RAP1GAP: variants seen among roughly 807,000 people sequenced by gnomAD.
The protein encoded by RAP1GAP is RAP1 GTPase activating protein, also known as rap1 GTPase-activating protein 1.
A neutral mutation model predicts 87.2 loss-of-function variants in RAP1GAP; 35 were observed. That is an observed-to-expected ratio of 0.40 (90% CI 0.31 to 0.53). The LOEUF (loss-of-function observed/expected upper bound fraction) is 0.53. Ranked by LOEUF, RAP1GAP falls within the 20% of genes least tolerant of loss-of-function variation. The pLI, the probability that RAP1GAP is intolerant of heterozygous loss-of-function variation, is 0.48. For missense variants in RAP1GAP, 734 were observed against 898.9 expected, an observed-to-expected ratio of 0.82 and a Z score of 2.35; for synonymous variants, 375 against 363.9, an observed-to-expected ratio of 1.03 and a Z score of -0.35.
intron 1 of RAP1GAP, among the ~76,000 whole-genome samples, chr1:21,654,084 G>A (rs1035203274): frequency 2.1e-5 from 3 of 145,978 alleles, no homozygotes; most frequent in Non-Finnish European, 4.6e-5. Flanking sequence ...CATTGGCAAG[G>A]GATGGGGGTG....
At chr1:21,631,557 G>C (rs915222560) in intron 2 of RAP1GAP, among the ~76,000 whole-genome samples, 1 of 152,070 alleles carries the variant, frequency 6.6e-6, no homozygotes, top group Non-Finnish European at 1.5e-5. Context: ...GTAGTGCCAC[G>C]CGCCTGTAAT....
chr1:21,629,580 T>C (rs1448130822), intron 2 of RAP1GAP, among the ~76,000 whole-genome samples: 1 of 151,766 alleles, frequency 6.6e-6, no homozygotes, highest in Non-Finnish European at 1.5e-5. Context: ...GCTGAGGCCG[T>C]AAGGGGCAGG....
chr1:21,634,162 G>A lies in RAP1GAP; in HGVS notation c.-112-7765C>T, dbSNP rs1394079542. ...TGTCCCTGCCAAAGTGCCAGGGAAGGTGGCCGGGGCAGCCAGTTGAGCAGG... is the reference window on the plus strand; with the variant it reads ...TGTCCCTGCCAAAGTGCCAGGGAAGATGGCCGGGGCAGCCAGTTGAGCAGG... On this transcript the variant is annotated intron_variant, in intron 2 of 24. Coordinates refer to ENST00000374765, the MANE Select transcript of RAP1GAP (RefSeq NM_002885.4). The surrounding 1 kb of genome is among the most constrained non-coding windows in gnomAD (Gnocchi z 4.1). Among the ~76,000 whole-genome samples, 4 of 152,078 alleles carry A rather than the reference G, an allele frequency of 2.6e-5. No homozygotes were observed. The highest frequency in any genetic ancestry group is 5.9e-5 in the Non-Finnish European group (4 of 68,000).
rs1392055273 is a variant in RAP1GAP at position 21,614,015 on chromosome 1, C to A, written c.366G>T (p.Gly122=). 4 of 1,612,410 alleles carry A rather than the reference C, an allele frequency of 2.5e-6. No homozygotes were observed. The African/African-American group carries it at 4.0e-5, about 16-fold the overall frequency. ...LVFSLKYDVI[G]DQEHLRLLLR... Reference sequence around the variant, plus strand: ...GCAGCAGCCGCAGGTGCTCTTGGTCCCCGATGACATCGTACTTGAGTGAGA... The same window carrying A: ...GCAGCAGCCGCAGGTGCTCTTGGTCACCGATGACATCGTACTTGAGTGAGA... The change falls in exon 8 of 25, where the codon GGG becomes GGT. Residue 122 remains glycine, a synonymous_variant. Coordinates refer to ENST00000374765, the MANE Select transcript of RAP1GAP (RefSeq NM_002885.4).
chr1:21,654,593 G>A (rs1258184898), intron 1 of RAP1GAP, among the ~76,000 whole-genome samples: 1 of 152,132 alleles, frequency 6.6e-6, no homozygotes, highest in Non-Finnish European at 1.5e-5. Flanking sequence ...AGCACTTTGG[G>A]AGGCCGAATA....
intron 1 of RAP1GAP, among the ~76,000 whole-genome samples, chr1:21,664,147 G>C (rs546474919): frequency 9.2e-5 from 14 of 152,302 alleles, no homozygotes; most frequent in African/African-American, 3.4e-4. Context: ...GACAGCCCCC[G>C]GCTCTCCAGC....
In RAP1GAP at chr1:21,668,109, C is replaced by T. The variant is rs553076264; in HGVS notation, c.-149+1145G>A. Among the ~76,000 whole-genome samples the T allele has an allele frequency of 2.4e-4, 36 of 152,212 alleles. No individual in the cohort carries two copies. Among genetic ancestry groups the T allele is most frequent in the Admixed American group, 7.2e-4 (11 of 15,292 alleles). On this transcript the variant is annotated intron_variant, in intron 1 of 24. Coordinates refer to ENST00000374765, the MANE Select transcript of RAP1GAP (RefSeq NM_002885.4). This position sits in a 1 kb window ranked among gnomAD's most constrained non-coding sequence, Gnocchi z 6.2. ...TGTTTCATCTGCGAGGCAACCTTCC[C>T]CAGTGCCCCAACCATAGCGTTTTCC... is the stretch of plus-strand genomic sequence containing the variant.
intron 17 of RAP1GAP, among the ~76,000 whole-genome samples, chr1:21,607,190 C>G (rs2075241637): frequency 6.6e-6 from 1 of 152,186 alleles, no homozygotes; most frequent in South Asian, 2.1e-4. Flanking sequence ...AGGCTACCAC[C>G]TGGGGCCCTG....
chr1:21,652,255 A>G (rs968572080), intron 1 of RAP1GAP, among the ~76,000 whole-genome samples: 1 of 151,812 alleles, frequency 6.6e-6, no homozygotes, highest in Admixed American at 6.5e-5. Context: ...CTGGGTCTGC[A>G]CGGCGGGCAT....
At chr1:21,617,246 C>T (rs892610315) in intron 7 of RAP1GAP, 60 bp downstream of exon 7, 19 of 1,525,720 alleles carry the variant, frequency 1.2e-5, no homozygotes, top group Middle Eastern at 3.7e-4. Context: ...AGGCCCACCT[C>T]GAATGGGGCT....
intron 2 of RAP1GAP, among the ~76,000 whole-genome samples, 175 bp from the exon 3 acceptor site, chr1:21,626,572 C>T (rs2092163548): frequency 6.6e-6 from 1 of 152,178 alleles, no homozygotes; most frequent in Admixed American, 6.5e-5. Context: ...GGCTACCACA[C>T]AGGCTTCTCC....
In RAP1GAP at chr1:21,634,838, C is replaced by G; in HGVS notation, c.-112-8441G>C. 1 of 372,938 alleles carries G rather than the reference C, an allele frequency of 2.7e-6. No homozygotes were observed. The highest frequency in any genetic ancestry group is 5.7e-6 in the Non-Finnish European group (1 of 174,188). The allele number at this position is 372,938 out of a possible 1,614,324, so 23.1% of individuals were successfully genotyped here. ...TGTGGCCAAAACCTGACCCTTCCCA[C>G]CCCACCGAGGACTTCAGTGTGGACT... On this transcript the variant is annotated intron_variant, in intron 2 of 24. Transcript: ENST00000374765. This position sits in a 1 kb window ranked among gnomAD's most constrained non-coding sequence, Gnocchi z 4.1.
rs150869374 is a variant in RAP1GAP at position 21,599,607 on chromosome 1, C to A, written c.1663G>T (p.Ala555Ser). ...TTGAGCGCCTCTGCTCTCTGCGCTG[C>A]GGTCTCCGCTCTGCCACAGACAGTG... ...MPTTKNRAET[A>S]AQRAEALKDF... The change falls in exon 21 of 25, where the codon GCA (alanine) becomes TCA (serine). Residue 555 changes from alanine to serine, a missense_variant. Coordinates refer to ENST00000374765, the MANE Select transcript of RAP1GAP (RefSeq NM_002885.4). 1,021 of 1,605,668 alleles carry A rather than the reference C, an allele frequency of 6.4e-4. 1 individual carries two copies. Among genetic ancestry groups the A allele is most frequent in the Non-Finnish European group, 7.9e-4 (931 of 1,179,744 alleles).
At chr1:21,620,961 C>A (rs1221552510) in intron 3 of RAP1GAP, among the ~76,000 whole-genome samples, 1 of 152,150 alleles carries the variant, frequency 6.6e-6, no homozygotes, top group African/African-American at 2.4e-5. Context: ...GTTTCGTGTA[C>A]CAAGAAAACA....
intron 2 of RAP1GAP, among the ~76,000 whole-genome samples, chr1:21,627,237 G>A (rs2092480040): frequency 6.6e-6 from 1 of 152,184 alleles, no homozygotes. Context: ...CTGCACCTCT[G>A]CTCAGGTCCC....
Position 21,601,638 on chromosome 1 carries a change from T to G in RAP1GAP, c.1652+46A>C, listed in dbSNP as rs549887783. 6.6e-5 allele frequency: 96 copies of G among 1,449,930 alleles called. No individual in the cohort carries two copies. In the East Asian group the frequency reaches 1.2e-3, roughly 18 times the overall value. The allele number at this position is 1,449,930 out of a possible 1,614,324, so 89.8% of individuals were successfully genotyped here. A position where few individuals can be genotyped will look rare whatever the true frequency, so the allele number is the denominator to read the frequency against. On this transcript the variant is annotated intron_variant, in intron 20 of 24. Transcript: ENST00000374765. The stretch of plus-strand genomic sequence containing the variant: ...CCCAGGCAGGGGAGGGGAAGGACGG[T>G]TCACCACTCCCAAGCCCCCAAGCCC...
rs1323775523 is a variant in RAP1GAP at position 21,622,021 on chromosome 1, C to T, written c.-18-1971G>A. 1.3e-5 allele frequency among the ~76,000 whole-genome samples: 2 copies of T among 152,186 alleles called. No individual in the cohort carries two copies. The highest frequency in any genetic ancestry group is 2.9e-5 in the Non-Finnish European group (2 of 68,022). Reference sequence around the variant, plus strand: ...CATGAAAGCACCACCACAAAGTGGCCCTGGAGCATTCAGAGCCCCCCAAAC... The same window carrying T: ...CATGAAAGCACCACCACAAAGTGGCTCTGGAGCATTCAGAGCCCCCCAAAC... On this transcript the variant is annotated intron_variant, in intron 3 of 24. Coordinates refer to ENST00000374765, the MANE Select transcript of RAP1GAP (RefSeq NM_002885.4). The surrounding 1 kb of genome is among the most constrained non-coding windows in gnomAD (Gnocchi z 5.7).
chr1:21,652,801 A>G (rs1452385969), intron 1 of RAP1GAP, among the ~76,000 whole-genome samples: 1 of 152,140 alleles, frequency 6.6e-6, no homozygotes, highest in Non-Finnish European at 1.5e-5. Flanking sequence ...ACACCGGGTT[A>G]CTAGCCCTGA....
chr1:21,617,676 C>T (rs2275358), intron 6 of RAP1GAP, among the ~76,000 whole-genome samples, 185 bp from the exon 7 acceptor site: 12,257 of 152,264 alleles, frequency 0.08, 679 homozygotes, highest in East Asian at 0.28. Flanking sequence ...CAGACAGCGC[C>T]GAGACCCAAG....
Sources: allele counts gnomAD v4.1 joint callset (sites outside exome capture counted in the v4.1 genomes callset), GRCh38; gene constraint gnomAD v4.1.1; non-coding constraint Gnocchi (gnomAD v3.1); transcripts MANE v1.5; gene names NCBI Gene and HGNC (gene_info 2026-07-23, HGNC 2026-07-21).